ADAM12: variants seen among roughly 807,000 people sequenced by gnomAD.
ADAM12 encodes ADAM metallopeptidase domain 12.
Under a neutral mutation model 106.4 loss-of-function variants are expected in ADAM12, and 70 were observed. The ratio of observed to expected loss-of-function variants is 0.66; its 90% CI spans 0.54 to 0.80. The LOEUF (loss-of-function observed/expected upper bound fraction) is 0.80. Among genes scored for constraint, ADAM12 ranks in the 30% least tolerant of loss-of-function variants. ADAM12 has a pLI of 0.00. For synonymous variants in ADAM12, 420 were observed against 433.5 expected, an observed-to-expected ratio of 0.97 and a Z score of 0.39; for missense variants, 1,010 against 1,171.9, an observed-to-expected ratio of 0.86 and a Z score of 2.02.
Position 126,043,618 on chromosome 10 carries a change from C to T in ADAM12, c.1996-470G>A, listed in dbSNP as rs998672675. Among the ~76,000 whole-genome samples the T allele has an allele frequency of 9.2e-5, 14 of 152,350 alleles. No individual in the cohort carries two copies. The highest frequency in any genetic ancestry group is 8.5e-4 in the Admixed American group (13 of 15,306). ...ACAGAAGGCTCAGAGAGGCTGGTGA[C>T]TGCCGGGTCCCACGCCAGGCTGGGG... On this transcript the variant is annotated intron_variant, in intron 17 of 22. Coordinates refer to ENST00000448723, the MANE Select transcript of ADAM12 (RefSeq NM_001288973.2). The surrounding 1 kb of genome is among the most constrained non-coding windows in gnomAD (Gnocchi z 4.1).
At position 126,118,206 on chromosome 10, in the gene ADAM12, T is replaced by C; in HGVS notation, c.435A>G (p.Glu145=). 6.2e-7 allele frequency: 1 copy of C among 1,613,878 alleles called. No individual in the cohort carries two copies. Among genetic ancestry groups the C allele is most frequent in the Non-Finnish European group, 8.5e-7 (1 of 1,179,788 alleles). The part of the protein sequence containing the change: ...CSGLRGLIVF[E]NESYVLEPMK... The stretch of plus-strand genomic sequence containing the variant: ...TTGGTTCTAAGACATAGCTTTCATT[T>C]TCAAACACAATAAGTCCCCTGTTGA... Residue 145 remains glutamate, a synonymous_variant, in exon 6 of 23, where the codon GAA becomes GAG. Transcript: ENST00000448723.
At chr10:126,293,728 C>T (rs1340763197) in intron 2 of ADAM12, among the ~76,000 whole-genome samples, 1 of 152,116 alleles carries the variant, frequency 6.6e-6, no homozygotes, top group Non-Finnish European at 1.5e-5. Flanking sequence ...ACCATGTTGG[C>T]CAGGCTGGTC....
intron 1 of ADAM12, among the ~76,000 whole-genome samples, chr10:126,364,555 C>A (rs1564758062): frequency 6.6e-6 from 1 of 151,786 alleles, no homozygotes; most frequent in Admixed American, 6.6e-5. Flanking sequence ...TTTATAATGA[C>A]AAGGGAAGAA....
intron 11 of ADAM12, among the ~76,000 whole-genome samples, chr10:126,089,830 T>C (rs955716884): frequency 2.6e-5 from 4 of 152,124 alleles, no homozygotes; most frequent in Admixed American, 2.6e-4. Context: ...TCCATCCCTG[T>C]CTTCCTTTTG....
chr10:126,221,710 C>T (rs1038102645), intron 3 of ADAM12, among the ~76,000 whole-genome samples: 2 of 152,170 alleles, frequency 1.3e-5, no homozygotes, highest in Admixed American at 6.5e-5. Flanking sequence ...TGAAATCTGT[C>T]ACAGGGGGCA....
chr10:126,038,302 G>C lies in ADAM12; in HGVS notation c.2288C>G (p.Ala763Gly). 3.1e-6 allele frequency: 5 copies of C among 1,611,800 alleles called. No individual in the cohort carries two copies. Among genetic ancestry groups the C allele is most frequent in the Non-Finnish European group, 2.5e-6 (3 of 1,178,896 alleles). ...GCCTTTTCCAAGGTGGCCGAGGTGAGCCTGACAGGGTTGGAAGCCACGGGG... is the reference window on the plus strand; with the variant it reads ...GCCTTTTCCAAGGTGGCCGAGGTGACCCTGACAGGGTTGGAAGCCACGGGG... ...RPPRGFQPCQ[A>G]HLGHLGKGLM... Residue 763 changes from alanine (A) to glycine (G), a missense_variant, in exon 20 of 23, where the codon GCT (alanine) becomes GGT (glycine). By Grantham distance (60) the Ala-to-Gly change is moderately conservative (BLOSUM62 0). This residue lies in a region of ADAM12 where 615 missense variants were observed against 708.5 expected (regional missense o/e 0.87). Transcript: ENST00000448723.
chr10:126,149,176 T>C (rs1956684083), intron 4 of ADAM12, among the ~76,000 whole-genome samples: 2 of 152,220 alleles, frequency 1.3e-5, no homozygotes, highest in South Asian at 4.1e-4. Flanking sequence ...TGTGAGCTCC[T>C]GCTCCTGTGC....
intron 6 of ADAM12, 70 bp downstream of exon 6, chr10:126,117,968 T>C: frequency 6.5e-7 from 1 of 1,530,012 alleles, no homozygotes; most frequent in Non-Finnish European, 9.0e-7. Context: ...TCTCCAGATG[T>C]CCTAGTGTGG....
intron 3 of ADAM12, among the ~76,000 whole-genome samples, chr10:126,209,802 G>A (rs753952): frequency 0.94 from 143,535 of 152,258 alleles, 68,152 homozygotes; most frequent in East Asian, 1. Flanking sequence ...TTCCTTTACC[G>A]TAACTCCCAA....
intron 2 of ADAM12, among the ~76,000 whole-genome samples, chr10:126,313,930 A>T (rs1961230455): frequency 6.6e-6 from 1 of 151,940 alleles, no homozygotes; most frequent in Non-Finnish European, 1.5e-5. Context: ...ATAATGAGGG[A>T]AGGAAGACTT....
Position 126,014,469 on chromosome 10 carries a change from T to TTTAA in ADAM12, c.*2806_*2809dup, listed in dbSNP as rs1417730605. On this transcript the variant is annotated 3_prime_UTR_variant, in exon 23 of 23. Transcript: ENST00000448723. Reference sequence around the variant, plus strand: ...GTCAGGAGTATTGACTCTCCTACAGTTTAATTTGCTGCTTTTGTGGTTTCT... The same window carrying TTTAA: ...GTCAGGAGTATTGACTCTCCTACAGTTTAATTAATTTGCTGCTTTTGTGGTTTCT... The TTTAA allele has an allele frequency of 2.0e-5, 3 of 148,374 alleles. No homozygotes were observed. Among genetic ancestry groups the TTTAA allele is most frequent in the African/African-American group, 7.5e-5 (3 of 40,108 alleles). The allele number at this position is 148,374 out of a possible 1,614,324, so 9.2% of individuals were successfully genotyped here. A position where few individuals can be genotyped will look rare whatever the true frequency, so the allele number is the denominator to read the frequency against.
chr10:126,355,839 G>T (rs1329110086), intron 1 of ADAM12, among the ~76,000 whole-genome samples: 1 of 152,212 alleles, frequency 6.6e-6, no homozygotes, highest in Non-Finnish European at 1.5e-5. Context: ...TCTTCCAGTG[G>T]CAGCCCCCAG....
chr10:126,094,456 A>G (rs1001213025), intron 10 of ADAM12, among the ~76,000 whole-genome samples: 1 of 152,124 alleles, frequency 6.6e-6, no homozygotes, highest in African/African-American at 2.4e-5. Context: ...AAACTCTTCC[A>G]TTGAATGAAG....
chr10:126,077,202 A>G (rs991376144), intron 11 of ADAM12, among the ~76,000 whole-genome samples: 1 of 152,200 alleles, frequency 6.6e-6, no homozygotes, highest in Admixed American at 6.5e-5. Flanking sequence ...AGCCAAGGAG[A>G]GGAAAGTTCT....
intron 3 of ADAM12, among the ~76,000 whole-genome samples, chr10:126,241,016 A>C (rs768603846): frequency 4.6e-5 from 7 of 152,244 alleles, no homozygotes; most frequent in Admixed American, 6.5e-5. Flanking sequence ...ATAATGTCTT[A>C]ATGGAATGTG....
At chr10:126,310,819 T>C (rs1235730054) in intron 2 of ADAM12, among the ~76,000 whole-genome samples, 1 of 152,162 alleles carries the variant, frequency 6.6e-6, no homozygotes, top group East Asian at 1.9e-4. Flanking sequence ...ATTATTAACA[T>C]AGTCTCATAG....
At chr10:126,017,615 G>A (rs1339667345) in intron 22 of ADAM12, among the ~76,000 whole-genome samples, 1 of 152,062 alleles carries the variant, frequency 6.6e-6, no homozygotes, top group Non-Finnish European at 1.5e-5. Context: ...AAAGAGAAAG[G>A]TGCAATTAAT....
intron 1 of ADAM12, among the ~76,000 whole-genome samples, chr10:126,354,827 C>A (rs1855482620): frequency 6.6e-6 from 1 of 150,744 alleles, no homozygotes; most frequent in South Asian, 2.1e-4. Flanking sequence ...TTAATGAATA[C>A]TCAAAGATAT....
At chr10:126,327,538 C>T (rs944053185) in intron 2 of ADAM12, among the ~76,000 whole-genome samples, 1 of 152,006 alleles carries the variant, frequency 6.6e-6, no homozygotes, top group South Asian at 2.1e-4. Context: ...AGGAGGATTG[C>T]TTGAGCCCAG....
Sources: allele counts gnomAD v4.1 joint callset (sites outside exome capture counted in the v4.1 genomes callset), GRCh38; gene constraint gnomAD v4.1.1; regional missense constraint gnomAD v4.1.1; non-coding constraint Gnocchi (gnomAD v3.1); transcripts MANE v1.5; gene names NCBI Gene and HGNC (gene_info 2026-07-23, HGNC 2026-07-21).